SGCD: variants seen among roughly 807,000 people sequenced by gnomAD.
SGCD encodes the protein delta-sarcoglycan.
SGCD carries 18 observed loss-of-function variants against 36.6 expected under a neutral mutation model. That is an observed-to-expected ratio of 0.49 (90% confidence interval 0.34 to 0.73). The LOEUF is 0.73. SGCD is among the 30% of genes least tolerant of loss of function. The probability of loss-of-function intolerance (pLI) is 0.01; values close to 1 mark genes in which losing one functional copy is unlikely to be tolerated. For missense variants in SGCD, 387 were observed against 346.7 expected, an observed-to-expected ratio of 1.12 and a Z score of -0.92; for synonymous variants, 133 against 130.6, an observed-to-expected ratio of 1.02 and a Z score of -0.12.
chr5:156,401,914 T>C (rs1772172807), intron 3 of SGCD, among the ~76,000 whole-genome samples: 1 of 151,976 alleles, frequency 6.6e-6, no homozygotes, highest in Admixed American at 6.6e-5. Context: ...GAAACTCTGT[T>C]CCCATTACAT....
chr5:156,632,427 C>T (rs980907502), intron 6 of SGCD, among the ~76,000 whole-genome samples: 6 of 152,220 alleles, frequency 3.9e-5, no homozygotes, highest in African/African-American at 1.4e-4. Flanking sequence ...TCCTTTGTCT[C>T]ATATGCAGAT....
chr5:156,596,314 C>A (rs1428257003), intron 6 of SGCD, among the ~76,000 whole-genome samples: 1 of 152,166 alleles, frequency 6.6e-6, no homozygotes, highest in Non-Finnish European at 1.5e-5. Flanking sequence ...AACCCAATTT[C>A]TATCCTTTGC....
intron 7 of SGCD, among the ~76,000 whole-genome samples, chr5:156,665,024 G>C (rs1337492100): frequency 6.6e-6 from 1 of 150,578 alleles, no homozygotes; most frequent in Non-Finnish European, 1.5e-5. Context: ...ATAGGATTAA[G>C]TCTCCTAGTG....
At chr5:155,784,054 C>T in the SGCD span, among the ~76,000 whole-genome samples, 17 of 152,228 alleles carry the variant, frequency 1.1e-4, no homozygotes, top group African/African-American at 4.1e-4. Context: ...AGGCATTGGT[C>T]CCTGCTCAGA....
intron 3 of SGCD, among the ~76,000 whole-genome samples, chr5:156,363,916 C>A (rs1356925824): frequency 6.6e-6 from 1 of 152,188 alleles, no homozygotes; most frequent in Non-Finnish European, 1.5e-5. Context: ...AACTCACTAC[C>A]TGTCACATTG....
chr5:155,771,949 G>A, the SGCD span, among the ~76,000 whole-genome samples: 3 of 152,118 alleles, frequency 2.0e-5, no homozygotes, highest in Non-Finnish European at 4.4e-5. Flanking sequence ...CTGCTTATTC[G>A]ATTTTTAAGA....
At chr5:156,608,953 G>T (rs62380865) in intron 6 of SGCD, among the ~76,000 whole-genome samples, 1,554 of 123,164 alleles carry the variant, frequency 0.013, no homozygotes, top group African/African-American at 0.019. Flanking sequence ...CACATGAGAT[G>T]GGTTTCCTGA....
chr5:156,353,969 T>G (rs1418542802), intron 3 of SGCD, among the ~76,000 whole-genome samples: 1 of 152,204 alleles, frequency 6.6e-6, no homozygotes, highest in Non-Finnish European at 1.5e-5. Context: ...TGCTGTAAAG[T>G]TATACAATCT....
rs188226897 is a variant in SGCD, at chr5:156,014,282, A to G, written c.-281-103596A>G. On this transcript the variant is annotated intron_variant, in intron 1 of 9. Coordinates refer to the SGCD transcript ENST00000517913. ...CTTACTGTTTATTTCTTCCAATTAA[A>G]TGTAGACCCCTCTCCTTTTTAAACT... 1.6e-4 allele frequency among the ~76,000 whole-genome samples: 24 copies of G among 152,222 alleles called. No individual in the cohort carries two copies. In the East Asian group the frequency reaches 2.1e-3, roughly 13 times the overall value.
Position 155,890,687 on chromosome 5 carries a change from G to T in SGCD, c.-282+20263G>T, listed in dbSNP as rs191666059. ...AGATAGATAGATAGATAGACAGATA[G>T]ATAGGAGAACCAGGCTCAGAAAAGG... On this transcript the variant is annotated intron_variant, in intron 1 of 9. Transcript: ENST00000517913. Among the ~76,000 whole-genome samples the T allele has an allele frequency of 3.5e-3, 527 of 152,266 alleles. 1 individual carries two copies. Among genetic ancestry groups the T allele is most frequent in the South Asian group, 9.1e-3 (44 of 4,814 alleles).
At chr5:156,514,007 G>C (rs899651819) in intron 4 of SGCD, among the ~76,000 whole-genome samples, 1 of 152,170 alleles carries the variant, frequency 6.6e-6, no homozygotes, top group Non-Finnish European at 1.5e-5. Context: ...GTAAAGTTAA[G>C]GGATTTAATG....
chr5:156,541,390 G>C (rs1561766342), intron 4 of SGCD, among the ~76,000 whole-genome samples: 1 of 152,124 alleles, frequency 6.6e-6, no homozygotes, highest in Non-Finnish European at 1.5e-5. Context: ...AGATCAGGGA[G>C]GGAGCTCCTC....
At chr5:155,805,639 T>C in the SGCD span, among the ~76,000 whole-genome samples, 1 of 152,218 alleles carries the variant, frequency 6.6e-6, no homozygotes, top group South Asian at 2.1e-4. Flanking sequence ...AAATAGTCTT[T>C]AGAGAACAAA....
chr5:155,849,571 C>T, the SGCD span, among the ~76,000 whole-genome samples: 1 of 152,048 alleles, frequency 6.6e-6, no homozygotes, highest in African/African-American at 2.4e-5. Flanking sequence ...CTTTCTTTCT[C>T]GTGTAAGTTT....
intron 6 of SGCD, among the ~76,000 whole-genome samples, chr5:156,611,317 C>T (rs1275330619): frequency 2.0e-5 from 3 of 152,368 alleles, no homozygotes; most frequent in Admixed American, 6.5e-5. Context: ...CGAATTCCCT[C>T]AGCTTTTGCT....
At chr5:156,712,795 A>G (rs1452681974) in intron 7 of SGCD, among the ~76,000 whole-genome samples, 1 of 151,742 alleles carries the variant, frequency 6.6e-6, no homozygotes, top group African/African-American at 2.4e-5. Context: ...GCATTCCCCA[A>G]CCCCTTTTCC....
At chr5:156,752,551 C>T (rs1757185591) in intron 7 of SGCD, among the ~76,000 whole-genome samples, 1 of 152,104 alleles carries the variant, frequency 6.6e-6, no homozygotes. Flanking sequence ...TGCCACCACA[C>T]CCGGCTAATT....
intron 1 of SGCD, among the ~76,000 whole-genome samples, chr5:155,981,407 C>G (rs1273725048): frequency 1.3e-5 from 2 of 152,114 alleles, no homozygotes; most frequent in African/African-American, 4.8e-5. Context: ...CAGTATAGGC[C>G]TGAGGAAGGG....
chr5:156,400,236 ACAAGTTCC>A (rs1381187038), intron 3 of SGCD, among the ~76,000 whole-genome samples: 1 of 152,178 alleles, frequency 6.6e-6, no homozygotes, highest in Non-Finnish European at 1.5e-5. Flanking sequence ...TTGCATTTTA[ACAAGTTCC>A]CAAGTAATGC....
Sources: gnomAD v4.1 joint callset for allele counts (sites outside exome capture counted in the v4.1 genomes callset) on GRCh38, gnomAD v4.1.1 for gene constraint, MANE v1.5 for transcripts, NCBI Gene and HGNC (gene_info 2026-07-23, HGNC 2026-07-21) for gene names.